Variants in SUGCT observed in about 807,000 individuals in gnomAD.
SUGCT encodes the protein succinyl-CoA:glutarate CoA-transferase.
In SUGCT, 41 loss-of-function variants were observed where a neutral mutation model predicts 55.0. That is an observed-to-expected ratio of 0.74 (90% CI 0.58 to 0.97). SUGCT has a LOEUF of 0.97. Ranked by LOEUF, SUGCT falls within the 50% of genes least tolerant of loss-of-function variation. The pLI is 0.00. For synonymous variants in SUGCT, 187 were observed against 200.4 expected (o/e 0.93, Z 0.56); for missense variants, 568 against 547.8 (o/e 1.04, Z -0.37).
the SUGCT span, chr7:40,967,973 T>A: frequency 6.6e-6 from 1 of 152,232 alleles, no homozygotes; most frequent in Non-Finnish European, 1.5e-5. Context: ...AACGTAATAC[T>A]TATTTCTAAC....
intron 10 of SUGCT, among the ~76,000 whole-genome samples, chr7:40,457,607 A>G (rs781477943): frequency 8.5e-5 from 13 of 152,300 alleles, no homozygotes; most frequent in Non-Finnish European, 1.5e-4. Flanking sequence ...ACAGTCATTG[A>G]AGTTGTCTCT....
intron 6 of SUGCT, among the ~76,000 whole-genome samples, chr7:40,217,814 G>A (rs984509151): frequency 1.3e-5 from 2 of 152,154 alleles, no homozygotes; most frequent in East Asian, 1.9e-4. Context: ...TACTTGCCAC[G>A]GGGTTATCCT....
the SUGCT span, among the ~76,000 whole-genome samples, chr7:40,878,673 GAATGTGGT>G: frequency 6.6e-6 from 1 of 152,162 alleles, no homozygotes; most frequent in African/African-American, 2.4e-5. Context: ...CTGGATGGGT[GAATGTGGT>G]AAAGTTCTCG....
chr7:40,911,911 C>G, the SUGCT span, among the ~76,000 whole-genome samples: 1 of 151,926 alleles, frequency 6.6e-6, no homozygotes, highest in Non-Finnish European at 1.5e-5. Context: ...TGGATGTACG[C>G]GTGTGTGTGC....
intron 13 of SUGCT, among the ~76,000 whole-genome samples, chr7:40,819,123 T>G (rs1791840819): frequency 6.6e-6 from 1 of 152,262 alleles, no homozygotes; most frequent in East Asian, 1.9e-4. Flanking sequence ...CCATGGTGTA[T>G]ATGTGCCACA....
intron 13 of SUGCT, among the ~76,000 whole-genome samples, chr7:40,829,514 T>G (rs1454493048): frequency 6.6e-6 from 1 of 152,214 alleles, no homozygotes; most frequent in East Asian, 1.9e-4. Flanking sequence ...GGAGTGTCAG[T>G]TATTTTATTT....
chr7:40,987,131 A>C, the SUGCT span, among the ~76,000 whole-genome samples: 3 of 152,182 alleles, frequency 2.0e-5, no homozygotes, highest in East Asian at 3.9e-4. Flanking sequence ...AGAGGAGTAC[A>C]TAACCCAGTA....
chr7:40,635,345 C>T (rs1402412035), intron 12 of SUGCT, among the ~76,000 whole-genome samples: 1 of 151,714 alleles, frequency 6.6e-6, no homozygotes, highest in Non-Finnish European at 1.5e-5. Flanking sequence ...GAGTCAATTA[C>T]ATAAAATATT....
At chr7:40,440,194 C>T (rs1388728786) in intron 9 of SUGCT, among the ~76,000 whole-genome samples, 1 of 110,928 alleles carries the variant, frequency 9.0e-6, no homozygotes, top group Non-Finnish European at 1.7e-5. Flanking sequence ...GGTTCCTGCT[C>T]TGTTGCCCAG....
intron 13 of SUGCT, among the ~76,000 whole-genome samples, chr7:40,762,893 A>G (rs562628799): frequency 3.6e-4 from 54 of 151,936 alleles, no homozygotes; most frequent in Non-Finnish European, 5.6e-4. Context: ...GCTCACTGCA[A>G]CCTATCCCTC....
At chr7:40,367,566 A>G (rs902268990) in intron 9 of SUGCT, among the ~76,000 whole-genome samples, 5 of 152,160 alleles carry the variant, frequency 3.3e-5, no homozygotes, top group African/African-American at 1.2e-4. Context: ...TGAGAAAAGA[A>G]ATGTTATTTT....
chr7:40,990,807 A>G, the SUGCT span, among the ~76,000 whole-genome samples: 1 of 152,156 alleles, frequency 6.6e-6, no homozygotes, highest in African/African-American at 2.4e-5. Flanking sequence ...CTCAAACTTC[A>G]TTATCCAACC....
intron 9 of SUGCT, among the ~76,000 whole-genome samples, chr7:40,379,384 T>A (rs1784762019): frequency 6.6e-6 from 1 of 152,262 alleles, no homozygotes; most frequent in African/African-American, 2.4e-5. Context: ...GGACAATTTC[T>A]ATTGACTACT....
downstream of SUGCT, among the ~76,000 whole-genome samples, chr7:40,864,524 C>T (rs1007030571): frequency 6.6e-6 from 1 of 152,054 alleles, no homozygotes; most frequent in Non-Finnish European, 1.5e-5. Context: ...GGAGCAGAAG[C>T]AACTCCACTA....
intron 5 of SUGCT, 121 bp downstream of exon 5, chr7:40,189,715 C>T: frequency 2.8e-6 from 1 of 354,168 alleles, no homozygotes; most frequent in Non-Finnish European, 5.1e-6. Flanking sequence ...CAACAAATAC[C>T]TTTTAAGTAT....
At chr7:40,255,749 T>G (rs918967204) in intron 7 of SUGCT, among the ~76,000 whole-genome samples, 11 of 150,910 alleles carry the variant, frequency 7.3e-5, no homozygotes, top group African/African-American at 2.7e-4. Flanking sequence ...CCTTTATTTG[T>G]AATCTCATTG....
chr7:40,723,826 T>A (rs1374925940), intron 12 of SUGCT, among the ~76,000 whole-genome samples: 1 of 152,234 alleles, frequency 6.6e-6, no homozygotes, highest in Non-Finnish European at 1.5e-5. Context: ...AATTGTCTGC[T>A]TACTGTCTGC....
rs116182521 is a variant in SUGCT, at chr7:40,238,662, T to C, written c.576+936T>C. Among the ~76,000 whole-genome samples, 701 of 152,238 alleles carry C rather than the reference T, an allele frequency of 4.6e-3. 8 individuals carry two copies. Among genetic ancestry groups the C allele is most frequent in the African/African-American group, 0.016 (674 of 41,566 alleles). On this transcript the variant is annotated intron_variant, in intron 7 of 13. Coordinates refer to ENST00000335693, the MANE Select transcript of SUGCT (RefSeq NM_001193313.2). The stretch of plus-strand genomic sequence containing the variant: ...TTATTTAATTTTACTTATTAATTAA[T>C]TAATTATTTTCCTTTGCCTCTATTT...
intron 13 of SUGCT, among the ~76,000 whole-genome samples, chr7:40,823,207 C>A (rs1435856922): frequency 6.6e-6 from 1 of 152,062 alleles, no homozygotes; most frequent in Non-Finnish European, 1.5e-5. Context: ...ACTTTTAATA[C>A]CAGAGATAAT....
Sources: gnomAD v4.1 joint callset for allele counts (sites outside exome capture counted in the v4.1 genomes callset) on GRCh38, gnomAD v4.1.1 for gene constraint, MANE v1.5 for transcripts, NCBI Gene and HGNC (gene_info 2026-07-23, HGNC 2026-07-21) for gene names.